Variants in KITLG observed in about 807,000 individuals in gnomAD.
The protein encoded by KITLG is c-Kit ligand.
In KITLG, 13 loss-of-function variants were observed where a neutral mutation model predicts 34.1. The observed-to-expected ratio is 0.38, with a 90% CI of 0.25 to 0.61. The LOEUF (loss-of-function observed/expected upper bound fraction) is 0.61. Among genes scored for constraint, KITLG ranks in the 20% least tolerant of loss-of-function variants. The pLI is 0.60. For synonymous variants in KITLG, 110 were observed against 104.0 expected (o/e 1.06, Z -0.35); for missense variants, 292 against 318.9 (o/e 0.92, Z 0.64).
intron 3 of KITLG, among the ~76,000 whole-genome samples, chr12:88,521,674 C>T (rs1869670512): frequency 6.6e-6 from 1 of 152,042 alleles, no homozygotes; most frequent in Non-Finnish European, 1.5e-5. Context: ...CAAATGATTG[C>T]TTTTAAATTC....
rs1871709351 is a variant in KITLG, at chr12:88,573,051, T to C, written c.15+7213A>G. Among the ~76,000 whole-genome samples the C allele has an allele frequency of 3.9e-5, 6 of 152,190 alleles. No homozygotes were observed. In the South Asian group the frequency reaches 1.2e-3, roughly 32 times the overall value. ...TGTTTACTATTTCAGAAGCGTTAAA[T>C]TGTACATTTACACAGAACCATAAAT... On this transcript the variant is annotated intron_variant, in intron 1 of 9. Transcript: ENST00000644744.
chr12:88,543,271 C>A (rs1870586348), intron 2 of KITLG, among the ~76,000 whole-genome samples: 1 of 152,060 alleles, frequency 6.6e-6, no homozygotes, highest in Admixed American at 6.5e-5. Flanking sequence ...AGGCCCCCAC[C>A]CCCCAACAGG....
intron 1 of KITLG, among the ~76,000 whole-genome samples, chr12:88,577,480 T>C (rs1478350725): frequency 6.6e-6 from 1 of 152,142 alleles, no homozygotes; most frequent in Non-Finnish European, 1.5e-5. Flanking sequence ...TCTTAATCAG[T>C]GTTGCAAAAT....
intron 1 of KITLG, among the ~76,000 whole-genome samples, chr12:88,549,074 G>C (rs975675657): frequency 1.3e-5 from 2 of 152,164 alleles, no homozygotes; most frequent in African/African-American, 4.8e-5. Flanking sequence ...TGCATACAGA[G>C]AGAAAAGCTG....
chr12:88,526,351 C>A (rs887624858), intron 3 of KITLG, among the ~76,000 whole-genome samples: 91 of 152,138 alleles, frequency 6.0e-4, no homozygotes, highest in African/African-American at 1.9e-3. Flanking sequence ...CGTTGCAGTG[C>A]AGATACTGTG....
At chr12:88,561,846 T>C (rs1871307846) in intron 1 of KITLG, among the ~76,000 whole-genome samples, 1 of 152,174 alleles carries the variant, frequency 6.6e-6, no homozygotes, top group Non-Finnish European at 1.5e-5. Context: ...GTTTTCTCCT[T>C]TTTGGGCTTT....
At chr12:88,567,535 G>C (rs1403879971) in intron 1 of KITLG, among the ~76,000 whole-genome samples, 3 of 152,164 alleles carry the variant, frequency 2.0e-5, no homozygotes, top group Admixed American at 2.0e-4. Flanking sequence ...ACTCAAAGAT[G>C]AATCTGGACA....
chr12:88,507,237 G>T, intron 6 of KITLG, 100 bp from the exon 7 acceptor site: 1 of 753,346 alleles, frequency 1.3e-6, no homozygotes, highest in Non-Finnish European at 2.4e-6. Context: ...ACACATTCTG[G>T]ACCTATATCT....
Position 88,507,048 on chromosome 12 carries a change from A to G in KITLG, c.694T>C (p.Phe232Leu). The G allele has an allele frequency of 6.2e-7, 1 of 1,608,702 alleles. No individual in the cohort carries two copies. Among genetic ancestry groups the G allele is most frequent in the South Asian group, 1.1e-5 (1 of 90,950 alleles). The change falls in exon 7 of 10, where the codon TTT becomes CTT. Residue 232 changes from phenylalanine (F) to leucine (L), a missense_variant. By Grantham distance (22) the Phe-to-Leu change is conservative. Coordinates refer to ENST00000644744, the MANE Select transcript of KITLG (RefSeq NM_000899.5). ...CTTACCTTCCAGTATAAGGCTCCAA[A>G]AGCAAAGCCAATTATAAGAGAAAAC... is the stretch of plus-strand genomic sequence containing the variant. ...ALFSLIIGFA[F>L]GALYWKKRQP... is the part of the protein sequence containing the mutation.
rs893258563 is a variant in KITLG at position 88,527,795 on chromosome 12, G to A, written c.192+4646C>T. The stretch of plus-strand genomic sequence containing the variant: ...TACCTGAGCACAAATCATCACTTTC[G>A]TAGCATTGTCACTTGAATTGCATAA... On this transcript the variant is annotated intron_variant, in intron 3 of 9. Coordinates refer to ENST00000644744, the MANE Select transcript of KITLG (RefSeq NM_000899.5). 4.6e-5 allele frequency among the ~76,000 whole-genome samples: 7 copies of A among 152,170 alleles called. No individual in the cohort carries two copies. In the South Asian group the frequency reaches 6.2e-4, roughly 13 times the overall value.
At chr12:88,570,269 C>T (rs1871601856) in intron 1 of KITLG, among the ~76,000 whole-genome samples, 1 of 152,106 alleles carries the variant, frequency 6.6e-6, no homozygotes, top group Non-Finnish European at 1.5e-5. Context: ...TCCCTCACAA[C>T]AGTCAGATGA....
At chr12:88,523,545 A>T (rs1566023101) in intron 3 of KITLG, among the ~76,000 whole-genome samples, 6 of 152,198 alleles carry the variant, frequency 3.9e-5, no homozygotes, top group Admixed American at 2.6e-4. Context: ...ATTTCAGTTA[A>T]TCCAGAGTCA....
chr12:88,529,511 G>A (rs1398584773), intron 3 of KITLG, among the ~76,000 whole-genome samples: 2 of 152,318 alleles, frequency 1.3e-5, no homozygotes, highest in Admixed American at 1.3e-4. Flanking sequence ...CCTTGGAAAA[G>A]TGAACTCCCT....
At chr12:88,533,273 C>T (rs1348916763) in intron 2 of KITLG, among the ~76,000 whole-genome samples, 1 of 152,122 alleles carries the variant, frequency 6.6e-6, no homozygotes, top group African/African-American at 2.4e-5. Flanking sequence ...AGGTTTAGGA[C>T]AAAGGAATCT....
At chr12:88,554,386 T>C (rs1469628976) in intron 1 of KITLG, among the ~76,000 whole-genome samples, 3 of 152,242 alleles carry the variant, frequency 2.0e-5, no homozygotes, top group Admixed American at 6.5e-5. Flanking sequence ...GTTAAGTGTT[T>C]GTGTAGCTCA....
At chr12:88,556,075 G>A (rs1483327546) in intron 1 of KITLG, among the ~76,000 whole-genome samples, 1 of 152,028 alleles carries the variant, frequency 6.6e-6, no homozygotes, top group Non-Finnish European at 1.5e-5. Context: ...AAAGGTGATC[G>A]GGGGCAGCCA....
intron 6 of KITLG, among the ~76,000 whole-genome samples, chr12:88,512,342 T>C (rs1388513926): frequency 6.6e-6 from 1 of 151,890 alleles, no homozygotes; most frequent in Non-Finnish European, 1.5e-5. Flanking sequence ...CAAGTAGAAA[T>C]TACTCAGAAG....
intron 3 of KITLG, among the ~76,000 whole-genome samples, chr12:88,521,716 C>T (rs936065249): frequency 6.6e-6 from 1 of 152,062 alleles, no homozygotes; most frequent in Non-Finnish European, 1.5e-5. Context: ...GCTTTATTCG[C>T]CTGTATGTAT....
intron 3 of KITLG, among the ~76,000 whole-genome samples, chr12:88,519,374 G>A (rs1162302006): frequency 1.3e-5 from 2 of 151,998 alleles, no homozygotes; most frequent in African/African-American, 4.8e-5. Context: ...TCTTTTAAGT[G>A]GAAACTCTGA....
Sources: gnomAD v4.1 joint callset for allele counts (sites outside exome capture counted in the v4.1 genomes callset) on GRCh38, gnomAD v4.1.1 for gene constraint, MANE v1.5 for transcripts, NCBI Gene and HGNC (gene_info 2026-07-23, HGNC 2026-07-21) for gene names.